The following CLDN16 variants were observed in gnomAD, a reference collection of about 807,000 sequenced individuals.
CLDN16 encodes the protein claudin-16.
Under a neutral mutation model 24.6 loss-of-function variants are expected in CLDN16, and 13 were observed. The observed-to-expected ratio is 0.53, with a 90% confidence interval of 0.34 to 0.84. The LOEUF is 0.84. Ranked by LOEUF, CLDN16 falls within the 40% of genes least tolerant of loss-of-function variation. The probability of loss-of-function intolerance (pLI) is 0.01; values close to 1 mark genes in which losing one functional copy is unlikely to be tolerated. For missense variants in CLDN16, 298 were observed against 292.7 expected (o/e 1.02, Z -0.13); for synonymous variants, 116 against 106.7 (o/e 1.09, Z -0.54).
At chr3:190,331,393 A>G (rs1222906278) in intron 1 of CLDN16, among the ~76,000 whole-genome samples, 1 of 152,234 alleles carries the variant, frequency 6.6e-6, no homozygotes, top group Non-Finnish European at 1.5e-5. Context: ...ATTATTTGGT[A>G]AAAATTGTCT....
the CLDN16 span, among the ~76,000 whole-genome samples, chr3:190,295,861 T>G: frequency 6.6e-6 from 1 of 152,244 alleles, no homozygotes; most frequent in African/African-American, 2.4e-5. Flanking sequence ...TAACTCACTC[T>G]ACGTGGGGCT....
At chr3:190,308,562 C>T in the CLDN16 span, 3 of 916,258 alleles carry the variant, frequency 3.3e-6, no homozygotes, top group Non-Finnish European at 5.2e-6. Context: ...CCTGAATATC[C>T]CTTGGGAAGT....
upstream of CLDN16, among the ~76,000 whole-genome samples, chr3:190,385,996 T>G (rs973741528): frequency 6.6e-6 from 1 of 152,110 alleles, no homozygotes; most frequent in Non-Finnish European, 1.5e-5. Flanking sequence ...CAGAGTCCAG[T>G]GTACACTCAG....
chr3:190,327,222 T>C (rs77393829), intron 1 of CLDN16, among the ~76,000 whole-genome samples: 4,199 of 152,296 alleles, frequency 0.028, 103 homozygotes, highest in South Asian at 0.089. Flanking sequence ...GGTTTCAGAA[T>C]TCCTGCTCTT....
the CLDN16 span, among the ~76,000 whole-genome samples, chr3:190,305,478 T>C: frequency 6.6e-6 from 1 of 152,156 alleles, no homozygotes; most frequent in Non-Finnish European, 1.5e-5. Context: ...TGAGAAAAAG[T>C]ATTAAGTAAC....
At chr3:190,363,563 T>C (rs1022477321) in intron 1 of CLDN16, among the ~76,000 whole-genome samples, 5,106 of 98,690 alleles carry the variant, frequency 0.052, 487 homozygotes, top group Non-Finnish European at 0.065. Flanking sequence ...TGTGTATATA[T>C]ATATATATAT....
the CLDN16 span, among the ~76,000 whole-genome samples, chr3:190,312,039 T>C: frequency 2.6e-4 from 39 of 151,936 alleles, no homozygotes; most frequent in Non-Finnish European, 4.6e-4. Context: ...GAGGTGATTC[T>C]CATGCCTCAG....
At chr3:190,370,662 C>T (rs1718119600) in intron 1 of CLDN16, among the ~76,000 whole-genome samples, 1 of 151,840 alleles carries the variant, frequency 6.6e-6, no homozygotes, top group African/African-American at 2.4e-5. Context: ...TACTGAGTGT[C>T]AACTTGACTG....
intron 1 of CLDN16, among the ~76,000 whole-genome samples, chr3:190,331,283 A>G (rs1196960983): frequency 6.6e-6 from 1 of 152,202 alleles, no homozygotes; most frequent in African/African-American, 2.4e-5. Context: ...CTGCCACCAT[A>G]TTCCCACAAG....
chr3:190,369,085 A>T (rs1718082056), intron 1 of CLDN16, among the ~76,000 whole-genome samples: 1 of 151,952 alleles, frequency 6.6e-6, no homozygotes, highest in Non-Finnish European at 1.5e-5. Flanking sequence ...GTTCTGGGTT[A>T]TGCAGTCTTG....
At chr3:190,302,771 CA>C in the CLDN16 span, among the ~76,000 whole-genome samples, 18,673 of 134,612 alleles carry the variant, frequency 0.14, 1,310 homozygotes, top group East Asian at 0.25. Flanking sequence ...AACCCTGTCT[CA>C]AAAAAAAATA....
chr3:190,389,461 A>C (rs535518421), intron 1 of CLDN16, among the ~76,000 whole-genome samples: 1 of 152,304 alleles, frequency 6.6e-6, no homozygotes, highest in Non-Finnish European at 1.5e-5. Context: ...TAAACTCTCA[A>C]ATTGGAGTTC....
chr3:190,361,871 C>CT (rs1560087595), intron 1 of CLDN16, among the ~76,000 whole-genome samples: 1 of 151,870 alleles, frequency 6.6e-6, no homozygotes, highest in African/African-American at 2.4e-5. Context: ...TCCATCTTTC[C>CT]TTTTTTTGTT....
At chr3:190,357,388 A>T in intron 1 of CLDN16, among the ~76,000 whole-genome samples, 1 of 152,026 alleles carries the variant, frequency 6.6e-6, no homozygotes, top group East Asian at 1.9e-4. Flanking sequence ...TACAGCCAAT[A>T]CTTTGGTTCA....
chr3:190,406,328 A>G (rs868332972), intron 3 of CLDN16, among the ~76,000 whole-genome samples: 1 of 152,222 alleles, frequency 6.6e-6, no homozygotes, highest in Non-Finnish European at 1.5e-5. Context: ...TATCCCACCT[A>G]CTGACAGCAT....
chr3:190,341,935 A>G lies in CLDN16; in HGVS notation n.121+19274A>G, dbSNP rs151265548. 8.6e-3 allele frequency among the ~76,000 whole-genome samples: 1,309 copies of G among 152,330 alleles called. 21 individuals carry two copies. The highest frequency in any genetic ancestry group is 0.031 in the African/African-American group (1,271 of 41,570). On this transcript the variant is annotated intron_variant and non_coding_transcript_variant, in intron 1 of 4. Transcript: ENST00000468220. ...GCTGCCAGTCTCTTTGCTAAAACAT[A>G]ACAAGAGTCACCTTTGCTCCAGTTC...
intron 1 of CLDN16, among the ~76,000 whole-genome samples, chr3:190,362,602 T>C (rs1332364126): frequency 6.6e-6 from 1 of 152,046 alleles, no homozygotes; most frequent in Non-Finnish European, 1.5e-5. Flanking sequence ...CTTGATAAAT[T>C]GGCTCTGTCT....
rs748266585 is a variant in CLDN16 at position 190,409,916 on chromosome 3, G to C, written c.588G>C (p.Glu196Asp). The stretch of plus-strand genomic sequence containing the variant: ...TCTTTCAAACAGATGTTGGACCTGA[G>C]AGAAACTATCCTTATTCCTTGAGGA... The part of the protein sequence containing the change: ...CLYLFKDVGP[E>D]RNYPYSLRKA... Residue 196 changes from glutamate (E) to aspartate (D), a missense_variant, in exon 5 of 5, where the codon GAG (glutamate) becomes GAC (aspartate). Glu to Asp is a conservative substitution (Grantham distance 45). Transcript: ENST00000264734. 5.6e-6 allele frequency: 9 copies of C among 1,613,868 alleles called. No individual in the cohort carries two copies. Among genetic ancestry groups the C allele is most frequent in the Non-Finnish European group, 7.6e-6 (9 of 1,179,936 alleles).
At chr3:190,403,955 T>C (rs1339809069) in intron 2 of CLDN16, among the ~76,000 whole-genome samples, 1 of 152,158 alleles carries the variant, frequency 6.6e-6, no homozygotes, top group Non-Finnish European at 1.5e-5. Flanking sequence ...AATACTGTTA[T>C]ATACATTTAT....
Sources: gnomAD v4.1 joint callset for allele counts (sites outside exome capture counted in the v4.1 genomes callset) on GRCh38, gnomAD v4.1.1 for gene constraint, MANE v1.5 for transcripts, NCBI Gene and HGNC (gene_info 2026-07-23, HGNC 2026-07-21) for gene names.